The following FBXW7 variants were observed in gnomAD, a reference collection of about 807,000 sequenced individuals.
FBXW7 encodes the protein F-box and WD repeat domain containing 7.
Under a neutral mutation model 86.3 loss-of-function variants are expected in FBXW7, and 11 were observed. The ratio of observed to expected loss-of-function variants is 0.13; its 90% CI spans 0.08 to 0.21. FBXW7 has a LOEUF of 0.21. Ranked by LOEUF, FBXW7 falls within the 10% of genes least tolerant of loss-of-function variation. FBXW7 has a pLI of 1.00. For missense variants in FBXW7, 488 were observed against 847.4 expected (o/e 0.58, Z 5.27); for synonymous variants, 313 against 297.9 (o/e 1.05, Z -0.52).
At chr4:152,402,241 C>G (rs1271660740) in intron 4 of FBXW7, among the ~76,000 whole-genome samples, 1 of 152,036 alleles carries the variant, frequency 6.6e-6, no homozygotes, top group Non-Finnish European at 1.5e-5. Flanking sequence ...CAATGACTGA[C>G]AAGTATTATG....
At chr4:152,415,289 G>A (rs1015773519) in intron 2 of FBXW7, among the ~76,000 whole-genome samples, 6 of 152,110 alleles carry the variant, frequency 3.9e-5, no homozygotes, top group Non-Finnish European at 8.8e-5. Flanking sequence ...AATTACTAAA[G>A]CCTCTGAATC....
intron 2 of FBXW7, among the ~76,000 whole-genome samples, chr4:152,508,678 C>A (rs972185): frequency 0.99 from 149,000 of 150,268 alleles, 73,866 homozygotes; most frequent in South Asian, 1. Flanking sequence ...AAAAAAAAAA[C>A]AGCAAGGAAG....
intron 11 of FBXW7, among the ~76,000 whole-genome samples, chr4:152,326,860 G>T (rs1729072472): frequency 6.6e-6 from 1 of 152,012 alleles, no homozygotes; most frequent in South Asian, 2.1e-4. Flanking sequence ...CTCAAACACA[G>T]GCTGCTTATG....
At chr4:152,526,224 TC>T (rs1387900649) in intron 2 of FBXW7, among the ~76,000 whole-genome samples, 15 of 152,328 alleles carry the variant, frequency 9.8e-5, no homozygotes, top group Admixed American at 3.9e-4. Context: ...AGTATTTTCT[TC>T]CAAGAATGTA....
At chr4:152,391,900 T>G (rs1398362815) in intron 4 of FBXW7, among the ~76,000 whole-genome samples, 2 of 152,160 alleles carry the variant, frequency 1.3e-5, no homozygotes, top group African/African-American at 4.8e-5. Flanking sequence ...CTAACTTAGT[T>G]GTGTTACTTC....
chr4:152,361,222 T>A (rs1732908604), intron 4 of FBXW7, among the ~76,000 whole-genome samples: 1 of 152,188 alleles, frequency 6.6e-6, no homozygotes, highest in East Asian at 1.9e-4. Context: ...TATTCAAGTG[T>A]TTGACATAGC....
At chr4:152,461,573 G>T (rs1262603762) in intron 2 of FBXW7, among the ~76,000 whole-genome samples, 4 of 152,046 alleles carry the variant, frequency 2.6e-5, no homozygotes, top group Middle Eastern at 3.2e-3. Context: ...ATTATATTTA[G>T]GGCTATTTTA....
intron 2 of FBXW7, among the ~76,000 whole-genome samples, chr4:152,497,206 C>T (rs779209043): frequency 5.9e-5 from 9 of 151,306 alleles, no homozygotes; most frequent in Non-Finnish European, 1.2e-4. Context: ...ACCTATAATC[C>T]CAGCTACTCA....
chr4:152,458,591 A>C (rs1434160332), intron 2 of FBXW7, among the ~76,000 whole-genome samples: 2 of 152,216 alleles, frequency 1.3e-5, no homozygotes, highest in African/African-American at 4.8e-5. Flanking sequence ...ACAAACCACC[A>C]TTTCACATAC....
chr4:152,472,567 G>C (rs1265664652), intron 2 of FBXW7, among the ~76,000 whole-genome samples: 1 of 151,930 alleles, frequency 6.6e-6, no homozygotes, highest in East Asian at 1.9e-4. Context: ...TATACTTTAT[G>C]ATTTATAAAA....
intron 2 of FBXW7, among the ~76,000 whole-genome samples, chr4:152,497,046 G>C (rs1009458425): frequency 1.3e-5 from 2 of 152,110 alleles, no homozygotes; most frequent in Non-Finnish European, 2.9e-5. Flanking sequence ...ACGAAGGCCG[G>C]GCACAATGGC....
At position 152,328,228 on chromosome 4, in the gene FBXW7, A is replaced by G. The variant is rs1423392246; in HGVS notation, c.1398T>C (p.Cys466=). 6.3e-7 allele frequency: 1 copy of G among 1,593,078 alleles called. No homozygotes were observed. Among genetic ancestry groups the G allele is most frequent in the Non-Finnish European group, 8.5e-7 (1 of 1,171,758 alleles). ...CTTACCTTTTTTCATGAAGATGCAT[A>G]CAACGCACAGTGGAAGTATGCCCAT... ...TLYGHTSTVR[C]MHLHEKRVVS... Residue 466 remains cysteine, a synonymous_variant, in exon 11 of 14, where the codon TGT becomes TGC. Transcript: ENST00000281708.
At chr4:152,506,261 A>G (rs1747418853) in intron 2 of FBXW7, among the ~76,000 whole-genome samples, 1 of 152,058 alleles carries the variant, frequency 6.6e-6, no homozygotes, top group East Asian at 1.9e-4. Context: ...CCTCCTGAGT[A>G]GCTGGGACTA....
chr4:152,409,580 T>A (rs1737738341), intron 4 of FBXW7, among the ~76,000 whole-genome samples: 1 of 152,146 alleles, frequency 6.6e-6, no homozygotes, highest in African/African-American at 2.4e-5. Context: ...AATTTCAGAC[T>A]GAAATCTTAC....
intron 13 of FBXW7, chr4:152,323,825 T>C (rs1728767471): frequency 1.1e-5 from 2 of 185,662 alleles, no homozygotes; most frequent in Admixed American, 5.5e-5. Flanking sequence ...TTCAATAAGG[T>C]AGCCCTTTAA....
intron 4 of FBXW7, among the ~76,000 whole-genome samples, chr4:152,384,537 T>A (rs1176152133): frequency 2.0e-5 from 3 of 151,136 alleles, no homozygotes; most frequent in Non-Finnish European, 4.4e-5. Flanking sequence ...GAAATGAGAG[T>A]TAGTGTTTAG....
chr4:152,386,921 T>TTG (rs1735572939), intron 4 of FBXW7, among the ~76,000 whole-genome samples: 1 of 152,188 alleles, frequency 6.6e-6, no homozygotes, highest in Non-Finnish European at 1.5e-5. Context: ...TCCAATTCTC[T>TTG]TGTAACAACA....
intron 4 of FBXW7, among the ~76,000 whole-genome samples, chr4:152,398,513 T>C (rs1163032282): frequency 2.6e-5 from 4 of 151,942 alleles, no homozygotes; most frequent in Admixed American, 6.6e-5. Context: ...TTAAAATTTT[T>C]CCCACAAATA....
intron 2 of FBXW7, among the ~76,000 whole-genome samples, chr4:152,426,427 G>A (rs1044279153): frequency 5.3e-5 from 8 of 150,100 alleles, no homozygotes; most frequent in African/African-American, 1.7e-4. Flanking sequence ...TCGACTCACT[G>A]TAGCCTCCGC....
Sources: gnomAD v4.1 joint callset for allele counts (sites outside exome capture counted in the v4.1 genomes callset) on GRCh38, gnomAD v4.1.1 for gene constraint, MANE v1.5 for transcripts, NCBI Gene and HGNC (gene_info 2026-07-23, HGNC 2026-07-21) for gene names.